The following MED14 variants were observed in gnomAD, a reference collection of about 807,000 sequenced individuals.
MED14 encodes mediator complex subunit 14.
A neutral mutation model predicts 109.0 loss-of-function variants in MED14; 8 were observed. The ratio of observed to expected loss-of-function variants is 0.07; its 90% CI spans 0.04 to 0.13. MED14 has a LOEUF of 0.13. MED14 is among the 10% of genes least tolerant of loss of function. The pLI, the probability that MED14 is intolerant of heterozygous loss-of-function variation, is 1.00. For synonymous variants in MED14, 399 were observed against 408.7 expected (o/e 0.98, Z 0.29); for missense variants, 711 against 1,142.4 (o/e 0.62, Z 5.44).
chrX:40,677,290 A>G (rs1929941069), intron 21 of MED14, among the ~76,000 whole-genome samples: 1 of 112,148 alleles, frequency 8.9e-6, no homozygotes, highest in Non-Finnish European at 1.9e-5. Flanking sequence ...CAACAAAAAG[A>G]CCTAAAGCTA....
At position 40,710,149 on chromosome X, in the gene MED14, G is replaced by C. The variant is rs1316251169; in HGVS notation, c.1023-20C>G. On this transcript the variant is annotated intron_variant, in intron 8 of 30. Transcript: ENST00000324817. ...TGTTGACTAAAGAAAAAAATGAAAT[G>C]AAGAATTTTTTTCAACACAGTCTGT... 9.0e-7 allele frequency: 1 copy of C among 1,106,975 alleles called. No homozygotes were observed. Among genetic ancestry groups the C allele is most frequent in the East Asian group, 3.2e-5 (1 of 31,363 alleles). The allele number at this position is 1,106,975 out of a possible 1,213,427, so 91.2% of individuals were successfully genotyped here. A position where few individuals can be genotyped will look rare whatever the true frequency, so the allele number is the denominator to read the frequency against.
chrX:40,704,776 G>A (rs968131472), intron 10 of MED14, among the ~76,000 whole-genome samples: 1 of 111,602 alleles, frequency 9.0e-6, no homozygotes, highest in African/African-American at 3.3e-5. Context: ...GAAATAAATT[G>A]CTTTAAAACA....
At chrX:40,712,367 G>C (rs1931367674) in intron 6 of MED14, 74 bp from the exon 7 acceptor site, 2 of 654,197 alleles carry the variant, frequency 3.1e-6, no homozygotes, top group Non-Finnish European at 4.6e-6. Context: ...AACTAAGGAA[G>C]CACATAATAA....
At chrX:40,713,716 T>C (rs1931413887) in intron 5 of MED14, 62 bp downstream of exon 5, 9 of 1,160,384 alleles carry the variant, frequency 7.8e-6, no homozygotes, top group Non-Finnish European at 1.1e-5. Context: ...GTGCTGAGAT[T>C]ACAGGCATGA....
At chrX:40,706,175 A>G (rs752142524) in intron 10 of MED14, among the ~76,000 whole-genome samples, 1 of 111,799 alleles carries the variant, frequency 8.9e-6, no homozygotes, top group South Asian at 3.7e-4. Flanking sequence ...CATCCCAGTA[A>G]GGATCTTAAT....
chrX:40,730,265 G>A lies in MED14; in HGVS notation c.216-920C>T, dbSNP rs1370408612. Among the ~76,000 whole-genome samples, 5 of 112,256 alleles carry A rather than the reference G, an allele frequency of 4.5e-5. No individual in the cohort carries two copies. The East Asian group carries it at 1.4e-3, about 31-fold the overall frequency. On this transcript the variant is annotated intron_variant, in intron 1 of 30. Transcript: ENST00000324817. ...GTTACCTCCTACTCTTAGGGTAGAC[G>A]GTGAGATGGAAGTTAAAGTTATGGT... is the stretch of plus-strand genomic sequence containing the variant.
At chrX:40,681,246 G>C (rs1930102582) in intron 19 of MED14, among the ~76,000 whole-genome samples, 1 of 111,540 alleles carries the variant, frequency 9.0e-6, no homozygotes, top group Admixed American at 9.5e-5. Flanking sequence ...ATCAACTAAG[G>C]AGCACTGTCA....
At chrX:40,671,729 T>C in intron 23 of MED14, 132 bp downstream of exon 23, 1 of 420,956 alleles carries the variant, frequency 2.4e-6, no homozygotes, top group Non-Finnish European at 4.1e-6. Context: ...GTGACAACTA[T>C]CTAGCCATAG....
At chrX:40,663,765 A>G (rs1929375044) in intron 25 of MED14, among the ~76,000 whole-genome samples, 1 of 112,863 alleles carries the variant, frequency 8.9e-6, no homozygotes, top group Admixed American at 9.4e-5. Flanking sequence ...AGCAAAAGCT[A>G]ACCAATAAAT....
At chrX:40,715,262 A>G (rs1291870987) in intron 3 of MED14, among the ~76,000 whole-genome samples, 1 of 111,622 alleles carries the variant, frequency 9.0e-6, no homozygotes, top group African/African-American at 3.3e-5. Flanking sequence ...ACAGAAATCC[A>G]CACATAGCCA....
intron 26 of MED14, among the ~76,000 whole-genome samples, chrX:40,660,972 T>A (rs187615805): frequency 2.7e-5 from 3 of 112,736 alleles, no homozygotes; most frequent in Non-Finnish European, 5.6e-5. Flanking sequence ...TGGAGTGCAG[T>A]GTCACCATCT....
chrX:40,651,624 T>C lies in MED14; in HGVS notation c.*182A>G. The C allele has an allele frequency of 9.6e-7, 1 of 1,036,359 alleles. No homozygotes were observed. The highest frequency in any genetic ancestry group is 3.2e-5 in the South Asian group (1 of 31,153). 85.4% of individuals were successfully genotyped at this position (1,036,359 alleles called of 1,213,427 possible). On this transcript the variant is annotated 3_prime_UTR_variant, in exon 31 of 31. Coordinates refer to ENST00000324817, the MANE Select transcript of MED14 (RefSeq NM_004229.4). ...ATTTAAACACACTATACAAGTTCAT[T>C]ATACAAAAGATGGATGATCATTTTG...
chrX:40,714,966 C>A (rs919033377), intron 3 of MED14: 2 of 287,805 alleles, frequency 6.9e-6, no homozygotes, highest in Non-Finnish European at 1.2e-5. Flanking sequence ...CTTAACATTA[C>A]ACACACATAA....
rs1436645306 is a variant in MED14 at position 40,651,430 on chromosome X, C to T, written c.*376G>A. On this transcript the variant is annotated 3_prime_UTR_variant, in exon 31 of 31. Transcript: ENST00000324817. ...TTTTACAGTATTCAAAAATGACAGA[C>T]CTGCCTTAAAAAACAAAACAAAAAC... The T allele has an allele frequency of 3.9e-6, 3 of 762,269 alleles. No individual in the cohort carries two copies. The African/African-American group carries it at 6.9e-5, about 17-fold the overall frequency. The allele number at this position is 762,269 out of a possible 1,213,427, so 62.8% of individuals were successfully genotyped here. A position where few individuals can be genotyped will look rare whatever the true frequency, so the allele number is the denominator to read the frequency against.
chrX:40,717,982 T>C (rs987382126), intron 3 of MED14, among the ~76,000 whole-genome samples: 2 of 112,382 alleles, frequency 1.8e-5, no homozygotes, highest in African/African-American at 3.2e-5. Flanking sequence ...ACATTTTATT[T>C]GATTTTTGCA....
At chrX:40,683,030 T>G (rs781009569) in intron 16 of MED14, 34 bp from the exon 17 acceptor site, 1 of 1,121,021 alleles carries the variant, frequency 8.9e-7, no homozygotes, top group Non-Finnish European at 1.2e-6. Flanking sequence ...AAGTATACTT[T>G]ACACAGACAA....
intron 3 of MED14, among the ~76,000 whole-genome samples, chrX:40,716,909 C>G (rs1379640558): frequency 9.0e-6 from 1 of 111,598 alleles, no homozygotes; most frequent in Non-Finnish European, 1.9e-5. Flanking sequence ...AAGCCAGGCA[C>G]AGAAAGACAA....
intron 24 of MED14, among the ~76,000 whole-genome samples, chrX:40,665,252 G>A (rs769329496): frequency 1.5e-3 from 167 of 111,777 alleles, no homozygotes; most frequent in Admixed American, 3.7e-3. Context: ...GGCTAGGCAC[G>A]GTGGCTCACA....
intron 11 of MED14, among the ~76,000 whole-genome samples, chrX:40,703,025 T>G (rs1931012001): frequency 8.9e-6 from 1 of 112,108 alleles, no homozygotes. Context: ...AATCCTTTCC[T>G]CCAGGATTCT....
Sources: allele counts gnomAD v4.1 joint callset (sites outside exome capture counted in the v4.1 genomes callset), GRCh38; gene constraint gnomAD v4.1.1; transcripts MANE v1.5; gene names NCBI Gene and HGNC (gene_info 2026-07-23, HGNC 2026-07-21).